The following PUM1 variants were observed in gnomAD, a reference collection of about 807,000 sequenced individuals.
PUM1 encodes the protein pumilio RNA binding family member 1, also known as pumilio homolog 1.
In PUM1, 13 loss-of-function variants were observed where a neutral mutation model predicts 131.8. The ratio of observed to expected loss-of-function variants is 0.10; its 90% CI spans 0.06 to 0.16. PUM1 has a LOEUF of 0.16. Ranked by LOEUF, PUM1 falls within the 10% of genes least tolerant of loss-of-function variation. PUM1 has a pLI of 1.00. For synonymous variants in PUM1, 509 were observed against 556.5 expected, an observed-to-expected ratio of 0.91 and a Z score of 1.20; for missense variants, 961 against 1,512.4, an observed-to-expected ratio of 0.64 and a Z score of 6.05.
intron 3 of PUM1, among the ~76,000 whole-genome samples, chr1:31,016,924 TA>T (rs1395860226): frequency 6.6e-6 from 1 of 152,240 alleles, no homozygotes; most frequent in Non-Finnish European, 1.5e-5. Flanking sequence ...GCACCTTTTA[TA>T]AGCACTGTTG....
intron 7 of PUM1, among the ~76,000 whole-genome samples, chr1:30,985,668 AAG>A (rs1641527356): frequency 6.6e-6 from 1 of 151,532 alleles, no homozygotes; most frequent in Non-Finnish European, 1.5e-5. Flanking sequence ...AAAAAAAAAA[AAG>A]AGTCAAAATC....
chr1:31,033,302 T>C (rs1338748602), intron 2 of PUM1, among the ~76,000 whole-genome samples: 3 of 149,208 alleles, frequency 2.0e-5, no homozygotes, highest in African/African-American at 7.4e-5. Context: ...CCTTCCAGGC[T>C]CAAGTGATCC....
At chr1:30,978,232 G>C (rs540169946) in intron 9 of PUM1, among the ~76,000 whole-genome samples, 15 of 152,282 alleles carry the variant, frequency 9.9e-5, no homozygotes, top group African/African-American at 3.6e-4. Flanking sequence ...CTGGGCGAGA[G>C]AGCAAGACTC....
chr1:30,968,413 G>A lies in PUM1; in HGVS notation c.1586C>T (p.Ala529Val), dbSNP rs1350977924. 1 of 1,600,160 alleles carries A rather than the reference G, an allele frequency of 6.2e-7. No homozygotes were observed. The highest frequency in any genetic ancestry group is 1.8e-5 in the Admixed American group (1 of 56,338). ...AAGGGCAGAATTCACTGCTGCAGCT[G>A]CCACAAGGGGATCCGTTTGCTGTCC... ...QQGQQTDPLV[A>V]AAAVNSALAF... Residue 529 changes from alanine (A) to valine (V), a missense_variant, in exon 11 of 22, where the codon GCA becomes GTA. Ala to Val is a moderately conservative substitution (Grantham distance 64, BLOSUM62 0). Coordinates refer to ENST00000426105, the MANE Select transcript of PUM1 (RefSeq NM_001020658.2).
intron 3 of PUM1, among the ~76,000 whole-genome samples, chr1:31,015,797 C>T (rs1334069085): frequency 6.6e-6 from 1 of 151,758 alleles, no homozygotes; most frequent in Non-Finnish European, 1.5e-5. Flanking sequence ...CCTCAGCCTC[C>T]GGAGTAGCTG....
chr1:30,981,680 T>TCACA (rs5773330), intron 7 of PUM1, among the ~76,000 whole-genome samples: 94 of 150,966 alleles, frequency 6.2e-4, no homozygotes, highest in Admixed American at 9.9e-4. Context: ...ACACACTCTC[T>TCACA]CACACACACA....
chr1:30,959,822 G>C (rs952999493), intron 14 of PUM1, among the ~76,000 whole-genome samples: 2 of 151,544 alleles, frequency 1.3e-5, no homozygotes, highest in Non-Finnish European at 2.9e-5. Flanking sequence ...CAGGAGAATG[G>C]TGTGAACCCA....
chr1:31,008,168 T>A (rs1171247154), intron 3 of PUM1, among the ~76,000 whole-genome samples: 1 of 152,190 alleles, frequency 6.6e-6, no homozygotes, highest in Admixed American at 6.5e-5. Context: ...AACTTTCCCA[T>A]TTAACCCATA....
At chr1:31,056,311 G>A (rs544197814) in intron 2 of PUM1, among the ~76,000 whole-genome samples, 30 of 151,984 alleles carry the variant, frequency 2.0e-4, no homozygotes, top group South Asian at 8.3e-4. Flanking sequence ...ACAGAGTTTC[G>A]CTCTTGTCAC....
intron 3 of PUM1, among the ~76,000 whole-genome samples, chr1:31,026,659 G>C (rs1383176394): frequency 6.6e-6 from 1 of 152,050 alleles, no homozygotes; most frequent in Non-Finnish European, 1.5e-5. Flanking sequence ...AGGAAGCCAG[G>C]GAAGAATCCT....
At chr1:31,065,070 A>G (rs879814915) in intron 1 of PUM1, among the ~76,000 whole-genome samples, 29 of 152,132 alleles carry the variant, frequency 1.9e-4, no homozygotes, top group Non-Finnish European at 3.7e-4. Flanking sequence ...CCTGATCGCC[A>G]CTTCTCCACA....
chr1:31,032,792 G>T (rs977774888), intron 2 of PUM1, among the ~76,000 whole-genome samples: 10 of 152,094 alleles, frequency 6.6e-5, no homozygotes, highest in African/African-American at 1.7e-4. Context: ...GGGCCATAGA[G>T]GGAGACCCTG....
chr1:30,964,472 T>A (rs1358443526), intron 14 of PUM1, among the ~76,000 whole-genome samples: 1 of 152,198 alleles, frequency 6.6e-6, no homozygotes, highest in Non-Finnish European at 1.5e-5. Flanking sequence ...ACAGGGAATG[T>A]ACCCAAACTA....
chr1:30,973,495 A>G (rs1641013571), intron 10 of PUM1, among the ~76,000 whole-genome samples: 1 of 152,212 alleles, frequency 6.6e-6, no homozygotes, highest in South Asian at 2.1e-4. Context: ...ATCTCATTTA[A>G]AACACCAAAA....
intron 1 of PUM1, 141 bp downstream of exon 1, chr1:31,065,475 A>G: frequency 1.6e-5 from 15 of 958,108 alleles, no homozygotes; most frequent in Non-Finnish European, 2.2e-5. Flanking sequence ...ACAGCGAGTG[A>G]GAAGCCTCAG....
chr1:30,933,463 CA>C, intron 21 of PUM1, 121 bp from the exon 22 acceptor site: 1 of 811,554 alleles, frequency 1.2e-6, no homozygotes, highest in Non-Finnish European at 2.0e-6. Context: ...CACACACACA[CA>C]CACACACACA....
chr1:30,972,217 T>A (rs1250814462), intron 10 of PUM1, among the ~76,000 whole-genome samples: 2 of 140,060 alleles, frequency 1.4e-5, no homozygotes, highest in African/African-American at 2.7e-5. Flanking sequence ...TTGGCGCCAC[T>A]GCACTCCAGG....
Position 30,992,824 on chromosome 1 carries a change from T to C in PUM1, c.888-164A>G, listed in dbSNP as rs142453310. 5.3e-3 allele frequency among the ~76,000 whole-genome samples: 808 copies of C among 152,332 alleles called. 6 individuals carry two copies. The highest frequency in any genetic ancestry group is 0.018 in the African/African-American group (734 of 41,560). On this transcript the variant is annotated intron_variant, in intron 6 of 21. Coordinates refer to ENST00000426105, the MANE Select transcript of PUM1 (RefSeq NM_001020658.2). ...ACTTTACAGGGCTTACAGGGTTACA[T>C]CTTCTAAATTGATGCTTCTATTGCC...
At chr1:31,064,740 G>A (rs888043249) in intron 1 of PUM1, among the ~76,000 whole-genome samples, 1 of 122,480 alleles carries the variant, frequency 8.2e-6, no homozygotes, top group Non-Finnish European at 1.6e-5. Flanking sequence ...GCTGTGTGTG[G>A]GTTTCTGGCT....
Sources: allele counts gnomAD v4.1 joint callset (sites outside exome capture counted in the v4.1 genomes callset), GRCh38; gene constraint gnomAD v4.1.1; transcripts MANE v1.5; gene names NCBI Gene and HGNC (gene_info 2026-07-23, HGNC 2026-07-21).